SRGAP2: variants seen among roughly 807,000 people sequenced by gnomAD.
SRGAP2 encodes SLIT-ROBO Rho GTPase activating protein 2, also known as SLIT-ROBO Rho GTPase-activating protein 2.
In SRGAP2, 15 loss-of-function variants were observed where a neutral mutation model predicts 57.2. That is an observed-to-expected ratio of 0.26 (90% CI 0.18 to 0.40). The LOEUF (loss-of-function observed/expected upper bound fraction) is 0.40. Ranked by LOEUF, SRGAP2 falls within the 10% of genes least tolerant of loss-of-function variation. The pLI is 1.00. For synonymous variants in SRGAP2, 249 were observed against 248.0 expected, an observed-to-expected ratio of 1.00 and a Z score of -0.04; for missense variants, 520 against 669.6, an observed-to-expected ratio of 0.78 and a Z score of 2.47.
chr1:206,454,992 T>G lies in SRGAP2; in HGVS notation c.2475T>G (p.His825Gln). ...GGGCCAGCTGTCCCAGTGGGGGTCA[T>G]GTAGCCGATATTTATCTTGCAAACA... ...RAGASCPSGG[H>Q]VADIYLANIN... The change falls in exon 21 of 23, where the codon CAT becomes CAG. Residue 825 changes from histidine to glutamine, a missense_variant. Physicochemically the swap from His to Gln is conservative, Grantham distance 24 (BLOSUM62 0). Coordinates refer to ENST00000573034, the MANE Select transcript of SRGAP2 (RefSeq NM_015326.5). The surrounding 1 kb of genome is among the most constrained non-coding windows in gnomAD (Gnocchi z 4.3). The G allele has an allele frequency of 1.3e-6, 1 of 780,926 alleles. No homozygotes were observed. The highest frequency in any genetic ancestry group is 2.4e-6 in the Non-Finnish European group (1 of 417,994). The allele number at this position is 780,926 out of a possible 1,614,324, so 48.4% of individuals were successfully genotyped here. A position where few individuals can be genotyped will look rare whatever the true frequency, so the allele number is the denominator to read the frequency against.
intron 21 of SRGAP2, among the ~76,000 whole-genome samples, chr1:206,457,587 T>C (rs1663944038): frequency 6.6e-6 from 1 of 152,158 alleles, no homozygotes; most frequent in Non-Finnish European, 1.5e-5. Context: ...GTCACAAGCC[T>C]AAAACTGCCG....
chr1:206,332,542 G>T (rs782252731), intron 3 of SRGAP2, among the ~76,000 whole-genome samples: 3 of 148,896 alleles, frequency 2.0e-5, no homozygotes, highest in Admixed American at 6.6e-5. Context: ...TTCCCTTCTC[G>T]CTTCCTTTCA....
chr1:206,393,479 A>G, intron 6 of SRGAP2, 66 bp from the exon 7 acceptor site: 1 of 712,966 alleles, frequency 1.4e-6, no homozygotes. Context: ...CTGTACTTTT[A>G]TCTTTTAGAG....
chr1:206,373,937 A>G lies in SRGAP2; in HGVS notation c.424-10077A>G, dbSNP rs568912449. On this transcript the variant is annotated intron_variant, in intron 4 of 22. Coordinates refer to ENST00000573034, the MANE Select transcript of SRGAP2 (RefSeq NM_015326.5). The stretch of plus-strand genomic sequence containing the variant: ...CTAGACCAAAAAAGTCAGTAAAAAT[A>G]CAGAAGAGTTGAAAAACAACAAACT... Among the ~76,000 whole-genome samples the G allele has an allele frequency of 4.6e-5, 7 of 152,254 alleles. No individual in the cohort carries two copies. In the South Asian group the frequency reaches 1.5e-3, roughly 32 times the overall value.
intron 14 of SRGAP2, among the ~76,000 whole-genome samples, chr1:206,432,657 CA>C (rs782778141): frequency 2.6e-5 from 4 of 152,056 alleles, no homozygotes; most frequent in Non-Finnish European, 5.9e-5. Flanking sequence ...GTGAAAAAAA[CA>C]AAATGTGAAA....
At chr1:206,210,356 A>G in intron 2 of SRGAP2, among the ~76,000 whole-genome samples, 1 of 125,992 alleles carries the variant, frequency 7.9e-6, no homozygotes, top group South Asian at 2.9e-4. Context: ...GTGGCACTGT[A>G]TGCTGAGCAG....
chr1:206,440,449 G>C (rs1662178208), intron 17 of SRGAP2, among the ~76,000 whole-genome samples: 1 of 152,144 alleles, frequency 6.6e-6, no homozygotes, highest in African/African-American at 2.4e-5. Context: ...TGTACAAGCA[G>C]CAGCCCAGAG....
intron 3 of SRGAP2, among the ~76,000 whole-genome samples, chr1:206,332,672 G>A (rs1472530746): frequency 1.4e-5 from 2 of 143,630 alleles, no homozygotes; most frequent in African/African-American, 5.7e-5. Context: ...GCTCCTTTAA[G>A]CACTTCTCTG....
intron 13 of SRGAP2, 46 bp downstream of exon 13, chr1:206,421,320 T>G (rs782471270): frequency 1.3e-6 from 1 of 757,536 alleles, no homozygotes; most frequent in Non-Finnish European, 2.4e-6. Flanking sequence ...GAAAATATAG[T>G]CCATCCCACA....
intron 5 of SRGAP2, among the ~76,000 whole-genome samples, chr1:206,385,727 T>C (rs1656161889): frequency 6.6e-6 from 1 of 152,046 alleles, no homozygotes; most frequent in Admixed American, 6.6e-5. Context: ...GGAACTTATT[T>C]CTCTGGTCTG....
At position 206,203,599 on chromosome 1, in the gene SRGAP2, C is replaced by G. The variant is rs1490777625; in HGVS notation, c.-594C>G. The G allele has an allele frequency of 6.7e-6, 4 of 596,252 alleles. No individual in the cohort carries two copies. Among genetic ancestry groups the G allele is most frequent in the Non-Finnish European group, 1.2e-5 (4 of 328,624 alleles). 36.9% of individuals were successfully genotyped at this position (596,252 alleles called of 1,614,324 possible). A position where few individuals can be genotyped will look rare whatever the true frequency, so the allele number is the denominator to read the frequency against. On this transcript the variant is annotated 5_prime_UTR_variant, in exon 1 of 23. Transcript: ENST00000573034. ...TGGCGGGGAAGAGAGGGGAGGAGAG[C>G]TCTGAGTGGGAAGCGGAGCCGGGGG...
Position 206,205,894 on chromosome 1 carries a change from G to C in SRGAP2, c.-77G>C. On this transcript the variant is annotated 5_prime_UTR_variant, in exon 2 of 23. Transcript: ENST00000573034. Reference sequence around the variant, plus strand: ...TGCCCTCGAGAGAAGCGGTCTTGGAGGTATTGATTTAGGTGGTTGGATTTT... The same window carrying C: ...TGCCCTCGAGAGAAGCGGTCTTGGACGTATTGATTTAGGTGGTTGGATTTT... The C allele has an allele frequency of 1.7e-6, 2 of 1,145,852 alleles. No homozygotes were observed. The highest frequency in any genetic ancestry group is 5.3e-5 in the East Asian group (2 of 37,964). The allele number at this position is 1,145,852 out of a possible 1,614,324, so 71.0% of individuals were successfully genotyped here.
chr1:206,255,909 C>G (rs1669154581), intron 2 of SRGAP2, among the ~76,000 whole-genome samples: 1 of 150,176 alleles, frequency 6.7e-6, no homozygotes, highest in Middle Eastern at 3.4e-3. Flanking sequence ...AATCCCGGAT[C>G]TAGCTGTGCT....
intron 13 of SRGAP2, among the ~76,000 whole-genome samples, chr1:206,423,270 T>C (rs1376787175): frequency 3.3e-5 from 5 of 152,196 alleles, no homozygotes; most frequent in South Asian, 2.1e-4. Context: ...TTCCTCTAAA[T>C]TGAAGCATTT....
rs551149651 is a variant in SRGAP2, at chr1:206,386,162, G to A, written c.486+2086G>A. Among the ~76,000 whole-genome samples, 668 of 152,192 alleles carry A rather than the reference G, an allele frequency of 4.4e-3. 2 individuals are homozygous for A. Among genetic ancestry groups the A allele is most frequent in the Non-Finnish European group, 7.1e-3 (482 of 68,020 alleles). On this transcript the variant is annotated intron_variant, in intron 5 of 22. Transcript: ENST00000573034. ...TGACATCTAATGATCTAGAGGCCAG[G>A]GGTGCTGCTAAAATCCTACAGTGCA...
At chr1:206,334,427 A>G (rs563342059) in intron 3 of SRGAP2, among the ~76,000 whole-genome samples, 54 of 152,102 alleles carry the variant, frequency 3.6e-4, no homozygotes, top group Admixed American at 2.0e-3. Context: ...ATTTAGATCT[A>G]TAGTTTCACA....
At chr1:206,449,870 C>T (rs539081152) in intron 18 of SRGAP2, among the ~76,000 whole-genome samples, 1 of 152,306 alleles carries the variant, frequency 6.6e-6, no homozygotes, top group African/African-American at 2.4e-5. Flanking sequence ...TTATTAAATC[C>T]TCACACAGCT....
At chr1:206,441,787 T>C (rs1265777325) in intron 17 of SRGAP2, among the ~76,000 whole-genome samples, 3 of 152,208 alleles carry the variant, frequency 2.0e-5, no homozygotes, top group African/African-American at 4.8e-5. Context: ...CTGTACTCCC[T>C]AGATGGGGCA....
At position 206,388,340 on chromosome 1, in the gene SRGAP2, C is replaced by T. The variant is rs1656507780; in HGVS notation, c.486+4264C>T. ...ACAATGGCACTTAATAGTCTCTCAA[C>T]TCTGCTTGCCTATTTGACTCTGGCA... On this transcript the variant is annotated intron_variant, in intron 5 of 22. Transcript: ENST00000573034. Among the ~76,000 whole-genome samples, 5 of 152,150 alleles carry T rather than the reference C, an allele frequency of 3.3e-5. No homozygotes were observed. The South Asian group carries it at 1.0e-3, about 32-fold the overall frequency.
Sources: gnomAD v4.1 joint callset for allele counts (sites outside exome capture counted in the v4.1 genomes callset) on GRCh38, gnomAD v4.1.1 for gene constraint, Gnocchi (gnomAD v3.1) non-coding constraint, MANE v1.5 for transcripts, NCBI Gene and HGNC (gene_info 2026-07-23, HGNC 2026-07-21) for gene names.